The following VAT1L variants were observed in gnomAD, a reference collection of about 807,000 sequenced individuals.
VAT1L encodes the protein vesicle amine transport 1 like, also known as putative NADPH-dependent quinone oxidoreductase VAT1L.
Under a neutral mutation model 44.1 loss-of-function variants are expected in VAT1L, and 34 were observed. The ratio of observed to expected loss-of-function variants is 0.77; its 90% CI spans 0.59 to 1.03. The LOEUF is 1.03. VAT1L is among the 50% of genes least tolerant of loss of function. The pLI, the probability that VAT1L is intolerant of heterozygous loss-of-function variation, is 0.00. For missense variants in VAT1L, 615 were observed against 538.8 expected, an observed-to-expected ratio of 1.14 and a Z score of -1.40; for synonymous variants, 253 against 202.2, an observed-to-expected ratio of 1.25 and a Z score of -2.13.
chr16:77,874,946 G>A (rs908036009), intron 4 of VAT1L, among the ~76,000 whole-genome samples: 15 of 151,866 alleles, frequency 9.9e-5, no homozygotes, highest in Non-Finnish European at 1.6e-4. Flanking sequence ...GCAGCACCTG[G>A]AAACGTTAGA....
At chr16:77,812,165 C>G (rs1353863848) in intron 1 of VAT1L, among the ~76,000 whole-genome samples, 1 of 151,182 alleles carries the variant, frequency 6.6e-6, no homozygotes, top group African/African-American at 2.4e-5. Context: ...CACTGCCTTC[C>G]AAGTTTAAGC....
At chr16:77,859,803 G>A (rs980346592) in intron 3 of VAT1L, among the ~76,000 whole-genome samples, 2 of 152,168 alleles carry the variant, frequency 1.3e-5, no homozygotes, top group African/African-American at 4.8e-5. Context: ...TTTAACGCTG[G>A]GGAATGGTGC....
chr16:77,878,353 C>T (rs2017111592), intron 5 of VAT1L, among the ~76,000 whole-genome samples: 1 of 152,150 alleles, frequency 6.6e-6, no homozygotes, highest in Non-Finnish European at 1.5e-5. Flanking sequence ...TAACTCCTCT[C>T]TGAGAAGAAA....
intron 7 of VAT1L, among the ~76,000 whole-genome samples, chr16:77,970,222 C>T (rs1845552877): frequency 6.6e-6 from 1 of 152,140 alleles, no homozygotes; most frequent in African/African-American, 2.4e-5. Context: ...GGCAACAGAG[C>T]AAGACCCTGT....
chr16:77,865,871 C>T (rs547345455), intron 4 of VAT1L, among the ~76,000 whole-genome samples: 1 of 152,128 alleles, frequency 6.6e-6, no homozygotes, highest in Non-Finnish European at 1.5e-5. Context: ...AACCAGAGAA[C>T]TCCTGCCTGC....
At chr16:77,930,958 T>C (rs1360683466) in intron 7 of VAT1L, among the ~76,000 whole-genome samples, 1 of 152,214 alleles carries the variant, frequency 6.6e-6, no homozygotes, top group Non-Finnish European at 1.5e-5. Context: ...CTAAGAATCT[T>C]AAATTTTATC....
At chr16:77,953,795 C>G (rs906119120) in intron 7 of VAT1L, among the ~76,000 whole-genome samples, 2 of 152,116 alleles carry the variant, frequency 1.3e-5, no homozygotes, top group African/African-American at 4.8e-5. Flanking sequence ...CTTGCCCAGC[C>G]TGATTTGCAT....
At chr16:77,862,646 A>ATT in intron 3 of VAT1L, 102 bp from the exon 4 acceptor site, 23 of 1,084,306 alleles carry the variant, frequency 2.1e-5, no homozygotes, top group Non-Finnish European at 2.5e-5. Context: ...AAAAAAAAAA[A>ATT]AGTCAATAGT....
intron 7 of VAT1L, among the ~76,000 whole-genome samples, chr16:77,940,378 C>G (rs1255884927): frequency 2.2e-5 from 3 of 134,318 alleles, no homozygotes; most frequent in Non-Finnish European, 4.7e-5. Context: ...GACTCTCACT[C>G]TGTCTTCCAG....
chr16:77,863,972 G>A (rs2016943044), intron 4 of VAT1L, among the ~76,000 whole-genome samples: 1 of 152,174 alleles, frequency 6.6e-6, no homozygotes, highest in Non-Finnish European at 1.5e-5. Context: ...GTAGAGGGAG[G>A]CTGGGGCTGC....
chr16:77,878,854 C>A (rs192204014), intron 5 of VAT1L, among the ~76,000 whole-genome samples: 197 of 152,260 alleles, frequency 1.3e-3, no homozygotes, highest in African/African-American at 4.6e-3. Context: ...AAAGAACAGA[C>A]CTAAAAAGAC....
intron 4 of VAT1L, 89 bp from the exon 5 acceptor site, chr16:77,876,281 G>A: frequency 8.4e-7 from 1 of 1,191,008 alleles, no homozygotes; most frequent in Non-Finnish European, 1.3e-6. Flanking sequence ...AATTCTGAGA[G>A]TCAGACAATA....
chr16:77,842,528 A>T (rs949844296), intron 3 of VAT1L, among the ~76,000 whole-genome samples: 2 of 152,354 alleles, frequency 1.3e-5, no homozygotes, highest in African/African-American at 4.8e-5. Context: ...AGGTTAGCAG[A>T]GTTCTTAAAT....
At chr16:77,914,202 G>T (rs2017527387) in intron 7 of VAT1L, among the ~76,000 whole-genome samples, 1 of 152,092 alleles carries the variant, frequency 6.6e-6, no homozygotes, top group Non-Finnish European at 1.5e-5. Context: ...AACTATTATA[G>T]TTATTAAATT....
chr16:77,859,317 T>C (rs2016892730), intron 3 of VAT1L, among the ~76,000 whole-genome samples: 1 of 151,910 alleles, frequency 6.6e-6, no homozygotes, highest in Non-Finnish European at 1.5e-5. Context: ...AAAAGTAAGA[T>C]GAAAGGTCAT....
At chr16:77,852,735 T>C (rs904505475) in intron 3 of VAT1L, among the ~76,000 whole-genome samples, 3 of 152,154 alleles carry the variant, frequency 2.0e-5, no homozygotes, top group African/African-American at 7.2e-5. Context: ...TTCTCTCCTT[T>C]TGGCCTACAG....
At chr16:77,863,581 G>T (rs187669797) in intron 4 of VAT1L, among the ~76,000 whole-genome samples, 1 of 152,294 alleles carries the variant, frequency 6.6e-6, no homozygotes, top group African/African-American at 2.4e-5. Flanking sequence ...GCATGAGCCA[G>T]AATTATCCAT....
At chr16:77,946,279 C>CTTTTTTTTTTTGTTTTT (rs2017964072) in intron 7 of VAT1L, among the ~76,000 whole-genome samples, 1 of 70,428 alleles carries the variant, frequency 1.4e-5, no homozygotes, top group Non-Finnish European at 2.5e-5. Flanking sequence ...GTTACTTGTT[C>CTTTTTTTTTTTGTTTTT]TTTTTTTTTT....
chr16:77,892,280 A>C, intron 7 of VAT1L: 1 of 263,152 alleles, frequency 3.8e-6, no homozygotes, highest in East Asian at 9.5e-5. Context: ...GAAATTGTGG[A>C]AAGTCCAACT....
Sources: allele counts gnomAD v4.1 joint callset (sites outside exome capture counted in the v4.1 genomes callset), GRCh38; gene constraint gnomAD v4.1.1; transcripts MANE v1.5; gene names NCBI Gene and HGNC (gene_info 2026-07-23, HGNC 2026-07-21).